Variants in SOS1 observed in about 807,000 individuals in gnomAD.
SOS1 encodes the protein SOS Ras/Rac guanine nucleotide exchange factor 1.
Under a neutral mutation model 157.6 loss-of-function variants are expected in SOS1, and 25 were observed. The ratio of observed to expected loss-of-function variants is 0.16; its 90% CI spans 0.12 to 0.22. The LOEUF is 0.22. Among genes scored for constraint, SOS1 ranks in the 10% least tolerant of loss-of-function variants. The probability of loss-of-function intolerance (pLI) is 1.00; values close to 1 mark genes in which losing one functional copy is unlikely to be tolerated. For synonymous variants in SOS1, 528 were observed against 534.0 expected, an observed-to-expected ratio of 0.99 and a Z score of 0.16; for missense variants, 1,237 against 1,599.1, an observed-to-expected ratio of 0.77 and a Z score of 3.86.
At chr2:39,069,915 C>G (rs774753603) in intron 1 of SOS1, among the ~76,000 whole-genome samples, 1 of 152,064 alleles carries the variant, frequency 6.6e-6, no homozygotes, top group African/African-American at 2.4e-5. Flanking sequence ...ATCATTTGCC[C>G]AAGAACTTTT....
chr2:38,987,308 A>T (rs1668586078), intron 22 of SOS1, among the ~76,000 whole-genome samples, 165 bp downstream of exon 22: 1 of 152,226 alleles, frequency 6.6e-6, no homozygotes, highest in African/African-American at 2.4e-5. Flanking sequence ...TTCAGAAGAA[A>T]GAAACATTAC....
intron 9 of SOS1, 143 bp from the exon 10 acceptor site, chr2:39,023,368 A>G: frequency 1.7e-6 from 1 of 595,282 alleles, no homozygotes; most frequent in Non-Finnish European, 2.8e-6. Flanking sequence ...TAGAATTACA[A>G]AATTACACAA....
rs78317284 is a variant in SOS1, at chr2:39,066,201, T to C, written c.213+1427A>G. On this transcript the variant is annotated intron_variant, in intron 2 of 22. Transcript: ENST00000402219. ...ATAAAAACATTACTTTCTATGTGTG[T>C]TGTGTCCTGAAAAGGTTGCAAAGCA... Among the ~76,000 whole-genome samples the C allele has an allele frequency of 4.7e-3, 723 of 152,294 alleles. 4 individuals carry two copies. Among genetic ancestry groups the C allele is most frequent in the South Asian group, 0.01 (50 of 4,824 alleles).
chr2:39,077,858 T>C (rs1289105811), intron 1 of SOS1, among the ~76,000 whole-genome samples: 3 of 152,292 alleles, frequency 2.0e-5, no homozygotes, highest in African/African-American at 7.2e-5. Flanking sequence ...AAACTTTTAG[T>C]AAAAGCATAG....
At chr2:39,064,286 G>A (rs1671514244) in intron 2 of SOS1, among the ~76,000 whole-genome samples, 1 of 152,156 alleles carries the variant, frequency 6.6e-6, no homozygotes, top group Non-Finnish European at 1.5e-5. Context: ...TTTGTGGTGA[G>A]AACAATAAAT....
intron 10 of SOS1, among the ~76,000 whole-genome samples, chr2:39,018,507 C>G (rs1669700189): frequency 6.6e-6 from 1 of 151,776 alleles, no homozygotes. Flanking sequence ...CCTTCTGTCT[C>G]TGTTTTCCTC....
chr2:39,112,402 A>T (rs1673474351), intron 1 of SOS1, among the ~76,000 whole-genome samples: 2 of 152,064 alleles, frequency 1.3e-5, no homozygotes, highest in Admixed American at 1.3e-4. Context: ...AGCTCAAGGG[A>T]TCCTCCCACC....
rs1558469016 is a variant in SOS1, at chr2:39,012,328, C to A, written c.2188G>T (p.Val730Phe). The change falls in exon 14 of 23, where the codon GTT becomes TTT. Residue 730 changes from valine to phenylalanine, a missense_variant. By Grantham distance (50) the Val-to-Phe change is conservative. This residue lies in a region of SOS1 where 42 missense variants were observed against 80.4 expected (regional missense o/e 0.52). Transcript: ENST00000402219. ...TGGATTATTTTAGTGATGGATTCAACCCATTTTTTCATTGCTTTACCTGCA... is the reference window on the plus strand; with the variant it reads ...TGGATTATTTTAGTGATGGATTCAAACCATTTTTTCATTGCTTTACCTGCA... ...TVRGKAMKKWVESITKIIQRK... is the reference protein window; with the variant it reads ...TVRGKAMKKWFESITKIIQRK... The A allele has an allele frequency of 1.2e-6, 2 of 1,601,066 alleles. No individual in the cohort carries two copies. The highest frequency in any genetic ancestry group is 2.2e-5 in the South Asian group (2 of 90,714).
intron 6 of SOS1, among the ~76,000 whole-genome samples, chr2:39,043,578 A>C (rs779790490): frequency 9.2e-5 from 14 of 152,352 alleles, no homozygotes; most frequent in Non-Finnish European, 1.9e-4. Flanking sequence ...TGGGTAATTC[A>C]TAAAGAAATT....
At chr2:39,040,192 AT>A (rs1166274854) in intron 6 of SOS1, among the ~76,000 whole-genome samples, 103 of 148,896 alleles carry the variant, frequency 6.9e-4, no homozygotes, top group African/African-American at 2.4e-3. Context: ...TTTTTTTTGT[AT>A]TTTTTAGTAG....
At chr2:39,089,969 A>G (rs1379550100) in intron 1 of SOS1, among the ~76,000 whole-genome samples, 1 of 81,162 alleles carries the variant, frequency 1.2e-5, no homozygotes, top group Non-Finnish European at 3.1e-5. Flanking sequence ...TCTACTAAAA[A>G]TACAAAAAAA....
chr2:39,123,482 C>G (rs576582846), upstream of SOS1, among the ~76,000 whole-genome samples: 1 of 151,976 alleles, frequency 6.6e-6, no homozygotes, highest in Non-Finnish European at 1.5e-5. Flanking sequence ...CTCAGCTTCC[C>G]GAGTAGCTGG....
At position 39,054,641 on chromosome 2, in the gene SOS1, G is replaced by T; in HGVS notation, c.693C>A (p.Val231=). The change falls in exon 5 of 23, where the codon GTC becomes GTA. Residue 231 remains valine, a synonymous_variant. Coordinates refer to ENST00000402219, the MANE Select transcript of SOS1 (RefSeq NM_005633.4). ...TAGCTGAAAACAATTTTGAATTGGA[G>T]ACAAAGGGCTCTCTAAAAACTTTTA... ...LIIKVFREPF[V]SNSKLFSAND... The T allele has an allele frequency of 6.3e-7, 1 of 1,578,710 alleles. No individual in the cohort carries two copies. The highest frequency in any genetic ancestry group is 1.1e-5 in the South Asian group (1 of 90,238).
At chr2:39,055,681 T>A (rs750942465) in intron 4 of SOS1, among the ~76,000 whole-genome samples, 1 of 152,132 alleles carries the variant, frequency 6.6e-6, no homozygotes, top group Non-Finnish European at 1.5e-5. Flanking sequence ...ATATTCCAAA[T>A]CAGTAAGAGT....
In SOS1 at chr2:38,985,698, A is replaced by G; in HGVS notation, c.*126T>C. 3 of 1,061,118 alleles carry G rather than the reference A, an allele frequency of 2.8e-6. No individual in the cohort carries two copies. Among genetic ancestry groups the G allele is most frequent in the Non-Finnish European group, 2.9e-6 (2 of 680,406 alleles). The allele number at this position is 1,061,118 out of a possible 1,614,324, so 65.7% of individuals were successfully genotyped here. ...GTTAAAATTCATTGTCTTATACTGC[A>G]TCTTGAAGAAGAGTCGTTAGTGTTT... On this transcript the variant is annotated 3_prime_UTR_variant, in exon 23 of 23. Transcript: ENST00000402219.
chr2:39,045,303 T>TGTGTGTA (rs1670740516), intron 6 of SOS1, among the ~76,000 whole-genome samples: 1 of 151,008 alleles, frequency 6.6e-6, no homozygotes, highest in African/African-American at 2.4e-5. Context: ...TGTGTGTGTG[T>TGTGTGTA]AAAATCAAAT....
intron 6 of SOS1, among the ~76,000 whole-genome samples, chr2:39,046,215 G>T (rs1327025452): frequency 6.6e-6 from 1 of 151,518 alleles, no homozygotes; most frequent in South Asian, 2.1e-4. Flanking sequence ...TTCCCTATCT[G>T]TACATTATAA....
intron 1 of SOS1, among the ~76,000 whole-genome samples, chr2:39,098,747 G>C (rs190801562): frequency 1.3e-5 from 2 of 152,148 alleles, no homozygotes; most frequent in Non-Finnish European, 2.9e-5. Context: ...AAATTACCCA[G>C]GTGTGGTGGC....
At position 39,058,817 on chromosome 2, in the gene SOS1, G is replaced by T; in HGVS notation, c.214-13C>A. 1.2e-6 allele frequency: 2 copies of T among 1,608,030 alleles called. No homozygotes were observed. Among genetic ancestry groups the T allele is most frequent in the South Asian group, 2.2e-5 (2 of 90,666 alleles). On this transcript the variant is annotated splice_polypyrimidine_tract_variant and intron_variant, in intron 2 of 22. Transcript: ENST00000402219. Reference sequence around the variant, plus strand: ...TTTGAACACGTTCCTTGGAAAATAGGAAAATAACAACTAAGCAAAAAATAT... The same window carrying T: ...TTTGAACACGTTCCTTGGAAAATAGTAAAATAACAACTAAGCAAAAAATAT...
Sources: allele counts gnomAD v4.1 joint callset (sites outside exome capture counted in the v4.1 genomes callset), GRCh38; gene constraint gnomAD v4.1.1; regional missense constraint gnomAD v4.1.1; transcripts MANE v1.5; gene names NCBI Gene and HGNC (gene_info 2026-07-23, HGNC 2026-07-21).